The following PREPL variants were observed in gnomAD, a reference collection of about 807,000 sequenced individuals.
PREPL encodes the protein prolyl endopeptidase-like.
PREPL carries 77 observed loss-of-function variants against 70.6 expected under a neutral mutation model. The ratio of observed to expected loss-of-function variants is 1.09; its 90% CI spans 0.91 to 1.32. The LOEUF is 1.32. Among genes scored for constraint, PREPL ranks in the 40% most tolerant of loss-of-function variants. The pLI is 0.00. For missense variants in PREPL, 1,002 were observed against 778.2 expected (o/e 1.29, Z -3.42); for synonymous variants, 315 against 264.8 (o/e 1.19, Z -1.84).
In PREPL at chr2:44,328,978, G is replaced by C; in HGVS notation, c.1221C>G (p.Val407=). The C allele has an allele frequency of 1.9e-6, 3 of 1,613,900 alleles. No individual in the cohort carries two copies. The highest frequency in any genetic ancestry group is 2.5e-6 in the Non-Finnish European group (3 of 1,179,974). Residue 407 remains valine (V), a synonymous_variant, in exon 9 of 14, where the codon GTC becomes GTG. Coordinates refer to ENST00000409411, the MANE Select transcript of PREPL (RefSeq NM_001171613.2). ...LKMNFRPERR[V]LVDDGWILAY... is the part of the protein sequence containing the mutation. ...CTAATATCCATCCATCATCCACCAG[G>C]ACCCGCCTCTCAGGCCTGAAATTCA...
intron 1 of PREPL, among the ~76,000 whole-genome samples, chr2:44,354,736 G>T (rs909369777): frequency 6.6e-6 from 1 of 152,074 alleles, no homozygotes; most frequent in Admixed American, 6.5e-5. Flanking sequence ...CACCAGGCCC[G>T]GCTAAAATTT....
chr2:44,328,631 G>A (rs1673777872), intron 9 of PREPL, among the ~76,000 whole-genome samples: 1 of 151,988 alleles, frequency 6.6e-6, no homozygotes, highest in Admixed American at 6.6e-5. Flanking sequence ...GAAGTTAAAT[G>A]GAAAACAGTT....
intron 10 of PREPL, among the ~76,000 whole-genome samples, 160 bp from the exon 11 acceptor site, chr2:44,323,571 T>A (rs895218353): frequency 1.3e-5 from 2 of 152,222 alleles, no homozygotes; most frequent in African/African-American, 4.8e-5. Flanking sequence ...AACCAGGGCC[T>A]GTAATTTATA....
chr2:44,320,169 A>T lies in PREPL; in HGVS notation c.*1187T>A. On this transcript the variant is annotated 3_prime_UTR_variant, in exon 14 of 14. Transcript: ENST00000409411. Reference sequence around the variant, plus strand: ...TTACAAACAATTCTTAGAATCAAACACTTACGTAAATACTTTTTTAAAAAA... The same window carrying T: ...TTACAAACAATTCTTAGAATCAAACTCTTACGTAAATACTTTTTTAAAAAA... 6.5e-7 allele frequency: 1 copy of T among 1,538,014 alleles called. No homozygotes were observed. Among genetic ancestry groups the T allele is most frequent in the Non-Finnish European group, 9.0e-7 (1 of 1,114,046 alleles).
intron 1 of PREPL, among the ~76,000 whole-genome samples, chr2:44,346,643 T>C: frequency 6.6e-6 from 1 of 152,138 alleles, no homozygotes; most frequent in East Asian, 1.9e-4. Context: ...GAATAAGTCC[T>C]TAAGAAGCAG....
intron 5 of PREPL, among the ~76,000 whole-genome samples, chr2:44,341,668 T>C (rs1208032702): frequency 6.6e-6 from 1 of 151,848 alleles, no homozygotes; most frequent in Non-Finnish European, 1.5e-5. Context: ...CAATTATTTC[T>C]ATCGACAATT....
chr2:44,355,896 T>C (rs944744006), intron 1 of PREPL, among the ~76,000 whole-genome samples: 29 of 152,052 alleles, frequency 1.9e-4, no homozygotes, highest in African/African-American at 6.5e-4. Context: ...AATTATACAA[T>C]TTCATTTTGT....
intron 2 of PREPL, 56 bp downstream of exon 2, chr2:44,346,212 T>C (rs1675801771): frequency 2.7e-6 from 4 of 1,489,112 alleles, no homozygotes; most frequent in Middle Eastern, 1.9e-4. Context: ...AGTATCTCAT[T>C]TGCATCTTGA....
intron 5 of PREPL, among the ~76,000 whole-genome samples, chr2:44,340,370 G>A (rs569671484): frequency 6.6e-6 from 1 of 151,990 alleles, no homozygotes; most frequent in Admixed American, 6.5e-5. Context: ...TATCCTAGAA[G>A]CACTATACTA....
chr2:44,347,460 G>T (rs560210847), intron 1 of PREPL: 3 of 152,226 alleles, frequency 2.0e-5, no homozygotes, highest in Non-Finnish European at 4.4e-5. Context: ...TAATGAACAT[G>T]AGTGGAGATA....
chr2:44,338,682 T>A, intron 6 of PREPL, 146 bp from the exon 7 acceptor site: 1 of 721,760 alleles, frequency 1.4e-6, no homozygotes, highest in Non-Finnish European at 2.2e-6. Context: ...AGGGATAAAG[T>A]GTGACCATCA....
In PREPL at chr2:44,359,132, G is replaced by A. The variant is rs145242388; in HGVS notation, c.-49+2248C>T. Among the ~76,000 whole-genome samples, 771 of 142,670 alleles carry A rather than the reference G, an allele frequency of 5.4e-3. 7 individuals are homozygous for A. Among genetic ancestry groups the A allele is most frequent in the African/African-American group, 0.019 (732 of 37,814 alleles). 93.6% of individuals were successfully genotyped at this position (142,670 alleles called of 152,430 possible). A position where few individuals can be genotyped will look rare whatever the true frequency, so the allele number is the denominator to read the frequency against. ...CACCCAGGCTGGAGTGCTGTGGTGCGATCTCAGCTCACCGCAACCTCTGCC... is the reference window on the plus strand; with the variant it reads ...CACCCAGGCTGGAGTGCTGTGGTGCAATCTCAGCTCACCGCAACCTCTGCC... On this transcript the variant is annotated intron_variant, in intron 1 of 13. Coordinates refer to ENST00000409411, the MANE Select transcript of PREPL (RefSeq NM_001171613.2).
chr2:44,323,420 A>G lies in PREPL; in HGVS notation c.1480-9T>C, dbSNP rs747762924. 2.5e-6 allele frequency: 4 copies of G among 1,571,858 alleles called. No individual in the cohort carries two copies. The highest frequency in any genetic ancestry group is 3.4e-6 in the Non-Finnish European group (4 of 1,160,612). On this transcript the variant is annotated splice_polypyrimidine_tract_variant and intron_variant, in intron 10 of 13. Transcript: ENST00000409411. ...ACATCCAAGAAAGGTGCCTAAAAAA[A>G]AGGCAAAGAAACTTATACTTCAAGT... is the stretch of plus-strand genomic sequence containing the variant.
chr2:44,339,321 G>C lies in PREPL; in HGVS notation c.528C>G (p.Leu176=). ...FLYLTKDSRF[L]TINIMNKTTS... ...TAGTCTTGTTCATAATATTTATGGT[G>C]AGGAAACGACTGTCTTTTGTAAGAT... Residue 176 remains leucine, a synonymous_variant, in exon 6 of 14, where the codon CTC becomes CTG. Transcript: ENST00000409411. The C allele has an allele frequency of 6.2e-7, 1 of 1,614,022 alleles. No individual in the cohort carries two copies. Among genetic ancestry groups the C allele is most frequent in the Non-Finnish European group, 8.5e-7 (1 of 1,179,982 alleles).
At chr2:44,341,882 A>G (rs1417845082) in intron 5 of PREPL, among the ~76,000 whole-genome samples, 1 of 152,094 alleles carries the variant, frequency 6.6e-6, no homozygotes, top group Non-Finnish European at 1.5e-5. Flanking sequence ...TTTTTGAGTT[A>G]GTTTTAATTT....
chr2:44,335,988 T>C (rs748383492), intron 7 of PREPL, among the ~76,000 whole-genome samples: 9 of 151,578 alleles, frequency 5.9e-5, no homozygotes, highest in Non-Finnish European at 1.3e-4. Flanking sequence ...GGAATGCAAA[T>C]CTAAACCACA....
chr2:44,353,626 G>C (rs1456270215), intron 1 of PREPL, among the ~76,000 whole-genome samples: 1 of 151,786 alleles, frequency 6.6e-6, no homozygotes, highest in Non-Finnish European at 1.5e-5. Context: ...TTATTACAAA[G>C]CTATAGTAAT....
intron 1 of PREPL, among the ~76,000 whole-genome samples, chr2:44,359,057 T>C (rs1279568142): frequency 1.3e-5 from 2 of 148,834 alleles, no homozygotes; most frequent in Non-Finnish European, 3.0e-5. Flanking sequence ...CCTATAAATA[T>C]ATGTATACAC....
intron 8 of PREPL, among the ~76,000 whole-genome samples, chr2:44,330,569 T>C (rs1458560412): frequency 6.6e-6 from 1 of 152,222 alleles, no homozygotes; most frequent in African/African-American, 2.4e-5. Context: ...TTCTGTATTT[T>C]TGCATCTGTT....
Sources: allele counts gnomAD v4.1 joint callset (sites outside exome capture counted in the v4.1 genomes callset), GRCh38; gene constraint gnomAD v4.1.1; transcripts MANE v1.5; gene names NCBI Gene and HGNC (gene_info 2026-07-23, HGNC 2026-07-21).